The following DNAJC13 variants were observed in gnomAD, a reference collection of about 807,000 sequenced individuals.
DNAJC13 encodes the protein dnaJ homolog subfamily C member 13.
A neutral mutation model predicts 290.5 loss-of-function variants in DNAJC13; 75 were observed. That is an observed-to-expected ratio of 0.26 (90% CI 0.21 to 0.31). The LOEUF is 0.31. Among genes scored for constraint, DNAJC13 ranks in the 10% least tolerant of loss-of-function variants. The pLI, the probability that DNAJC13 is intolerant of heterozygous loss-of-function variation, is 1.00. For missense variants in DNAJC13, 2,260 were observed against 2,674.5 expected, an observed-to-expected ratio of 0.85 and a Z score of 3.42; for synonymous variants, 862 against 892.0, an observed-to-expected ratio of 0.97 and a Z score of 0.60.
intron 1 of DNAJC13, among the ~76,000 whole-genome samples, chr3:132,418,069 A>G (rs1938846515): frequency 6.6e-6 from 1 of 151,652 alleles, no homozygotes; most frequent in Non-Finnish European, 1.5e-5. Context: ...CAGGCTCTTC[A>G]TTCCCTTGTG....
chr3:132,497,064 A>G (rs185219308), intron 36 of DNAJC13, among the ~76,000 whole-genome samples: 2 of 152,248 alleles, frequency 1.3e-5, no homozygotes, highest in African/African-American at 2.4e-5. Context: ...GGTTAAAAAC[A>G]CCAAGAGCAT....
rs1263135804 is a variant in DNAJC13, at chr3:132,463,814, ATAGG to A, written c.1892+3_1892+6del. On this transcript the variant is annotated splice_donor_variant and coding_sequence_variant, in exon 17 of 56. Coordinates refer to ENST00000260818, the MANE Select transcript of DNAJC13 (RefSeq NM_015268.4). LOFTEE classifies it high-confidence loss of function. Reference sequence around the variant, plus strand: ...AGCTCAGATCAAAGGATGCTTACAAATAGGTAGGTGATTTAATTCAATTTGCTGC... The same window carrying A: ...AGCTCAGATCAAAGGATGCTTACAAATAGGTGATTTAATTCAATTTGCTGC... 1 of 1,607,500 alleles carries A rather than the reference ATAGG, an allele frequency of 6.2e-7. No homozygotes were observed. The highest frequency in any genetic ancestry group is 8.5e-7 in the Non-Finnish European group (1 of 1,177,132).
At chr3:132,515,324 A>G (rs976595298) in intron 46 of DNAJC13, among the ~76,000 whole-genome samples, 2 of 152,196 alleles carry the variant, frequency 1.3e-5, no homozygotes, top group African/African-American at 4.8e-5. Context: ...ACATTAATCT[A>G]GAATTCATGT....
At chr3:132,486,279 T>G (rs1294347029) in intron 29 of DNAJC13, among the ~76,000 whole-genome samples, 8 of 152,030 alleles carry the variant, frequency 5.3e-5, no homozygotes, top group Non-Finnish European at 8.8e-5. Flanking sequence ...TGTGAGGTGA[T>G]GCAAAGAGAG....
chr3:132,422,361 G>C (rs1938985618), intron 1 of DNAJC13, among the ~76,000 whole-genome samples: 1 of 152,022 alleles, frequency 6.6e-6, no homozygotes, highest in Non-Finnish European at 1.5e-5. Flanking sequence ...AAAGTCGTAT[G>C]GTGTGGATGG....
Position 132,434,445 on chromosome 3 carries a change from G to A in DNAJC13, c.-13-93G>A, listed in dbSNP as rs1939325369. 3 of 842,200 alleles carry A rather than the reference G, an allele frequency of 3.6e-6. No individual in the cohort carries two copies. The South Asian group carries it at 5.1e-5, about 14-fold the overall frequency. 52.2% of individuals were successfully genotyped at this position (842,200 alleles called of 1,614,324 possible). ...AGGATATACGGCAGGCTGTGAAAGTGAGAGAGCGATCTTGCTACCTTTCTT... is the reference window on the plus strand; with the variant it reads ...AGGATATACGGCAGGCTGTGAAAGTAAGAGAGCGATCTTGCTACCTTTCTT... On this transcript the variant is annotated intron_variant, in intron 1 of 55. Coordinates refer to ENST00000260818, the MANE Select transcript of DNAJC13 (RefSeq NM_015268.4).
At chr3:132,436,353 T>A (rs984478431) in intron 2 of DNAJC13, among the ~76,000 whole-genome samples, 2 of 152,232 alleles carry the variant, frequency 1.3e-5, no homozygotes, top group Non-Finnish European at 2.9e-5. Flanking sequence ...GCATAATGTT[T>A]TCAAGGTCGT....
intron 6 of DNAJC13, 24 bp downstream of exon 6, chr3:132,450,871 A>C: frequency 7.1e-7 from 1 of 1,402,666 alleles, no homozygotes; most frequent in Non-Finnish European, 9.7e-7. Flanking sequence ...TAAAAAAAAA[A>C]AACACTTTAA....
intron 36 of DNAJC13, 130 bp from the exon 37 acceptor site, chr3:132,498,996 A>C: frequency 1.3e-6 from 1 of 793,056 alleles, no homozygotes; most frequent in Non-Finnish European, 1.9e-6. Context: ...GATTACAGGC[A>C]TGAGCCACCA....
rs538091406 is a variant in DNAJC13 at position 132,496,352 on chromosome 3, GA to G, written c.4021-167del. Among the ~76,000 whole-genome samples, 6 of 150,912 alleles carry G rather than the reference GA, an allele frequency of 4.0e-5. No individual in the cohort carries two copies. The East Asian group carries it at 5.8e-4, about 15-fold the overall frequency. On this transcript the variant is annotated intron_variant, in intron 35 of 55. Transcript: ENST00000260818. The stretch of plus-strand genomic sequence containing the variant: ...TATTGAGATCATTAGACAACTATTT[GA>G]AAAAAAAATTTCACCTTAACAGTAT...
intron 53 of DNAJC13, among the ~76,000 whole-genome samples, chr3:132,527,758 A>G (rs1342006594): frequency 6.6e-6 from 1 of 152,226 alleles, no homozygotes; most frequent in Non-Finnish European, 1.5e-5. Flanking sequence ...CTGATATGAA[A>G]TGTACGATGA....
chr3:132,521,105 C>G (rs1442671030), intron 48 of DNAJC13, among the ~76,000 whole-genome samples: 1 of 151,964 alleles, frequency 6.6e-6, no homozygotes, highest in Non-Finnish European at 1.5e-5. Flanking sequence ...TGTTAAAAAC[C>G]TTAAACACAA....
At chr3:132,443,709 C>T (rs916110541) in intron 2 of DNAJC13, among the ~76,000 whole-genome samples, 2 of 152,102 alleles carry the variant, frequency 1.3e-5, no homozygotes, top group Admixed American at 6.5e-5. Context: ...AGAGGAGCGG[C>T]ATGGGGAGTA....
At chr3:132,534,878 T>C (rs1936543423) in intron 55 of DNAJC13, among the ~76,000 whole-genome samples, 1 of 152,234 alleles carries the variant, frequency 6.6e-6, no homozygotes, top group Non-Finnish European at 1.5e-5. Flanking sequence ...TTCATTGATG[T>C]ATTGTGTATC....
At chr3:132,455,697 A>T (rs1379792778) in intron 9 of DNAJC13, among the ~76,000 whole-genome samples, 2 of 152,224 alleles carry the variant, frequency 1.3e-5, no homozygotes, top group East Asian at 3.8e-4. Context: ...TGAATCTCAA[A>T]AGCCTATGTA....
At chr3:132,481,227 A>G (rs1934662806) in intron 26 of DNAJC13, among the ~76,000 whole-genome samples, 1 of 152,184 alleles carries the variant, frequency 6.6e-6, no homozygotes, top group Non-Finnish European at 1.5e-5. Context: ...TATGAGTCTA[A>G]CTGAAAGCTG....
At chr3:132,509,196 A>T (rs934198994) in intron 43 of DNAJC13, among the ~76,000 whole-genome samples, 2 of 152,242 alleles carry the variant, frequency 1.3e-5, no homozygotes, top group Non-Finnish European at 2.9e-5. Context: ...TTTGTGATTC[A>T]TGGGAGGAGG....
rs187431962 is a variant in DNAJC13, at chr3:132,481,867, C to A, written c.2875-359C>A. Among the ~76,000 whole-genome samples, 901 of 152,224 alleles carry A rather than the reference C, an allele frequency of 5.9e-3. 4 individuals are homozygous for A. Among genetic ancestry groups the A allele is most frequent in the Non-Finnish European group, 9.5e-3 (644 of 68,010 alleles). ...GCATTGTTGCTTAAGATTAATGATA[C>A]GTATCTATTTACATAACTATTTGCA... On this transcript the variant is annotated intron_variant, in intron 26 of 55. Transcript: ENST00000260818.
chr3:132,439,581 A>G (rs1932982009), intron 2 of DNAJC13, among the ~76,000 whole-genome samples: 2 of 152,130 alleles, frequency 1.3e-5, no homozygotes. Flanking sequence ...CTTACCTAGA[A>G]TTGCAAATTG....
Sources: gnomAD v4.1 joint callset for allele counts (sites outside exome capture counted in the v4.1 genomes callset) on GRCh38, gnomAD v4.1.1 for gene constraint, MANE v1.5 for transcripts, NCBI Gene and HGNC (gene_info 2026-07-23, HGNC 2026-07-21) for gene names.